MAP3K20: variants seen among roughly 807,000 people sequenced by gnomAD.
The protein encoded by MAP3K20 is mitogen-activated protein kinase kinase kinase 20, also known as HCCS-4.
A neutral mutation model predicts 85.7 loss-of-function variants in MAP3K20; 40 were observed. The ratio of observed to expected loss-of-function variants is 0.47; its 90% CI spans 0.36 to 0.61. The LOEUF (loss-of-function observed/expected upper bound fraction) is 0.61, where lower values mean the gene tolerates loss of function less well. Among genes scored for constraint, MAP3K20 ranks in the 20% least tolerant of loss-of-function variants. The pLI, the probability that MAP3K20 is intolerant of heterozygous loss-of-function variation, is 0.00. For missense variants in MAP3K20, 817 were observed against 961.7 expected (o/e 0.85, Z 1.99); for synonymous variants, 325 against 327.7 (o/e 0.99, Z 0.09).
chr2:173,083,202 A>G (rs1007153866), intron 1 of MAP3K20, among the ~76,000 whole-genome samples: 5 of 152,166 alleles, frequency 3.3e-5, no homozygotes, highest in African/African-American at 9.7e-5. Context: ...TCAGATATCT[A>G]TGCCTGAAGT....
chr2:173,175,689 A>G (rs540541690), intron 3 of MAP3K20, among the ~76,000 whole-genome samples: 21 of 152,170 alleles, frequency 1.4e-4, no homozygotes, highest in Non-Finnish European at 2.5e-4. Flanking sequence ...AAGTTTAAAT[A>G]AGATGTTCTG....
chr2:173,098,143 C>A (rs181614875), intron 2 of MAP3K20, among the ~76,000 whole-genome samples: 1 of 152,224 alleles, frequency 6.6e-6, no homozygotes, highest in East Asian at 1.9e-4. Flanking sequence ...GGGACCAATA[C>A]AAATAAAAAT....
At chr2:173,081,189 A>ATCT (rs1392485658) in intron 1 of MAP3K20, among the ~76,000 whole-genome samples, 3 of 140,856 alleles carry the variant, frequency 2.1e-5, no homozygotes, top group African/African-American at 7.9e-5. Context: ...AAAAAGACAA[A>ATCT]TTTTTTTTTT....
At chr2:173,236,872 C>T (rs1684664802) in intron 14 of MAP3K20, among the ~76,000 whole-genome samples, 1 of 152,170 alleles carries the variant, frequency 6.6e-6, no homozygotes. Flanking sequence ...AAGTGTTTCT[C>T]ACACACAGCC....
In MAP3K20 at chr2:173,266,515, A is replaced by G; in HGVS notation, c.2168A>G (p.Asn723Ser). ...KFYRVSQSAL[N>S]PHQSPDFKRS... ...TACAGGGTTTCTCAGTCAGCACTCAATCCTCACCAGTCGCCTGACTTCAAG... is the reference window on the plus strand; with the variant it reads ...TACAGGGTTTCTCAGTCAGCACTCAGTCCTCACCAGTCGCCTGACTTCAAG... Residue 723 changes from asparagine to serine, a missense_variant, in exon 20 of 20, where the codon AAT becomes AGT. By Grantham distance (46) the Asn-to-Ser change is conservative. Around this residue, in one of 4 missense-constraint regions of MAP3K20, gnomAD observed 454 missense variants for 476.9 expected, o/e 0.95. Transcript: ENST00000375213. The G allele has an allele frequency of 1.2e-6, 2 of 1,614,072 alleles. No homozygotes were observed. Among genetic ancestry groups the G allele is most frequent in the Non-Finnish European group, 1.7e-6 (2 of 1,180,004 alleles).
Position 173,210,364 on chromosome 2 carries a change from A to G in MAP3K20, c.851+529A>G, listed in dbSNP as rs1249558552. 9.8e-5 allele frequency: 15 copies of G among 153,606 alleles called. 1 individual carries two copies. The East Asian group carries it at 2.9e-3, about 30-fold the overall frequency. 9.5% of individuals were successfully genotyped at this position (153,606 alleles called of 1,614,324 possible). Reference sequence around the variant, plus strand: ...TGAAAAACTCCATCTCAAAAAAAAAAAAATTGAAATCCTGTCTTCTGAGAC... The same window carrying G: ...TGAAAAACTCCATCTCAAAAAAAAAGAAATTGAAATCCTGTCTTCTGAGAC... On this transcript the variant is annotated intron_variant, in intron 10 of 19. Coordinates refer to ENST00000375213, the MANE Select transcript of MAP3K20 (RefSeq NM_016653.3).
chr2:173,157,524 C>A (rs1299029014), intron 2 of MAP3K20, among the ~76,000 whole-genome samples: 5 of 152,094 alleles, frequency 3.3e-5, no homozygotes, highest in Admixed American at 2.6e-4. Context: ...ATTAAATTTG[C>A]TAAATTCTTT....
Position 173,267,050 on chromosome 2 carries a change from TAGCA to T in MAP3K20, c.*301_*304del. On this transcript the variant is annotated 3_prime_UTR_variant, in exon 20 of 20. Coordinates refer to ENST00000375213, the MANE Select transcript of MAP3K20 (RefSeq NM_016653.3). ...TTACCCTAACCACTGATATTCTGGT[TAGCA>T]GGGCCAGGACAAGGGGAAGGAAAAT... 1 of 213,334 alleles carries T rather than the reference TAGCA, an allele frequency of 4.7e-6. No individual in the cohort carries two copies. Among genetic ancestry groups the T allele is most frequent in the Non-Finnish European group, 9.2e-6 (1 of 108,418 alleles). 13.2% of individuals were successfully genotyped at this position (213,334 alleles called of 1,614,324 possible). A position where few individuals can be genotyped will look rare whatever the true frequency, so the allele number is the denominator to read the frequency against.
rs1274644433 is a variant in MAP3K20 at position 173,134,428 on chromosome 2, A to ATTTTTTTTTTTTTTTTT, written c.160-35374_160-35358dup. On this transcript the variant is annotated intron_variant, in intron 2 of 19. Transcript: ENST00000375213. Reference sequence around the variant, plus strand: ...TATATATATATATATATATATATATATTTTTTTTTTTTTTTTTTTGCAGAG... The same window carrying ATTTTTTTTTTTTTTTTT: ...TATATATATATATATATATATATATATTTTTTTTTTTTTTTTTTTTTTTTTTTTTTTTTTTTGCAGAG... 7.6e-3 allele frequency among the ~76,000 whole-genome samples: 24 copies of ATTTTTTTTTTTTTTTTT among 3,156 alleles called. 8 individuals are homozygous for ATTTTTTTTTTTTTTTTT. Among genetic ancestry groups the ATTTTTTTTTTTTTTTTT allele is most frequent in the South Asian group, 0.036 (2 of 56 alleles). 2.1% of individuals were successfully genotyped at this position (3,156 alleles called of 152,430 possible).
intron 10 of MAP3K20, chr2:173,212,312 T>C (rs1477036275): frequency 1.3e-5 from 2 of 152,114 alleles, no homozygotes; most frequent in African/African-American, 4.8e-5. Context: ...AACTATTAAA[T>C]ATATTCAAAA....
chr2:173,129,484 A>G (rs1214460343), intron 2 of MAP3K20, among the ~76,000 whole-genome samples: 3 of 152,202 alleles, frequency 2.0e-5, no homozygotes, highest in Non-Finnish European at 4.4e-5. Flanking sequence ...CCCCAGTGTC[A>G]GTGATACCAA....
At chr2:173,196,586 TC>T (rs1465910291) in intron 7 of MAP3K20, among the ~76,000 whole-genome samples, 2 of 152,232 alleles carry the variant, frequency 1.3e-5, no homozygotes, top group Admixed American at 6.5e-5. Context: ...CTGCTAATTA[TC>T]TTCGTATTAG....
At chr2:173,154,054 C>T (rs1689383719) in intron 2 of MAP3K20, among the ~76,000 whole-genome samples, 1 of 151,908 alleles carries the variant, frequency 6.6e-6, no homozygotes, top group Non-Finnish European at 1.5e-5. Flanking sequence ...CATATGTTAG[C>T]AGTCACACTG....
rs184078925 is a variant in MAP3K20 at position 173,231,915 on chromosome 2, A to G, written c.1033-277A>G. On this transcript the variant is annotated intron_variant, in intron 12 of 19. Coordinates refer to ENST00000375213, the MANE Select transcript of MAP3K20 (RefSeq NM_016653.3). The stretch of plus-strand genomic sequence containing the variant: ...CTGGCACATAAATGGAAAAATCACT[A>G]TAAGTAAGAACCCTCTTGAAAGGAT... Among the ~76,000 whole-genome samples, 174 of 152,308 alleles carry G rather than the reference A, an allele frequency of 1.1e-3. 2 individuals carry two copies. Among genetic ancestry groups the G allele is most frequent in the African/African-American group, 4.1e-3 (169 of 41,568 alleles).
chr2:173,178,576 G>A (rs1421065802), intron 3 of MAP3K20, among the ~76,000 whole-genome samples: 6 of 152,220 alleles, frequency 3.9e-5, no homozygotes, highest in East Asian at 1.9e-4. Context: ...CCCAGGAGGC[G>A]GAGGTTGCTG....
intron 2 of MAP3K20, among the ~76,000 whole-genome samples, chr2:173,105,805 G>C (rs1265478414): frequency 6.6e-6 from 1 of 152,172 alleles, no homozygotes; most frequent in South Asian, 2.1e-4. Context: ...TTTTGTTTGG[G>C]ATGATGGAAA....
intron 3 of MAP3K20, among the ~76,000 whole-genome samples, chr2:173,177,330 A>G (rs993695739): frequency 2.0e-5 from 3 of 152,238 alleles, no homozygotes; most frequent in African/African-American, 7.2e-5. Flanking sequence ...TCTAATCACA[A>G]TGCAATTAAA....
intron 2 of MAP3K20, chr2:173,160,477 C>G (rs1179341952): frequency 3.3e-5 from 5 of 152,104 alleles, no homozygotes; most frequent in African/African-American, 1.2e-4. Context: ...TAAAAATGCA[C>G]TGAATTAAGC....
intron 16 of MAP3K20, among the ~76,000 whole-genome samples, chr2:173,244,817 GA>G (rs977680895): frequency 1.3e-4 from 19 of 151,934 alleles, no homozygotes; most frequent in Admixed American, 5.9e-4. Flanking sequence ...TAGAACCCAA[GA>G]AAAAAAGGCT....
Sources: gnomAD v4.1 joint callset for allele counts (sites outside exome capture counted in the v4.1 genomes callset) on GRCh38, gnomAD v4.1.1 for gene constraint, gnomAD v4.1.1 regional missense constraint, MANE v1.5 for transcripts, NCBI Gene and HGNC (gene_info 2026-07-23, HGNC 2026-07-21) for gene names.